MARCHF1: variants seen among roughly 807,000 people sequenced by gnomAD.
The protein encoded by MARCHF1 is membrane associated ring-CH-type finger 1.
MARCHF1 carries 40 observed loss-of-function variants against 54.2 expected under a neutral mutation model. The ratio of observed to expected loss-of-function variants is 0.74; its 90% CI spans 0.57 to 0.96. The LOEUF (loss-of-function observed/expected upper bound fraction) is 0.96, where lower values mean the gene tolerates loss of function less well. MARCHF1 is among the 40% of genes least tolerant of loss of function. MARCHF1 has a pLI of 0.00. For missense variants in MARCHF1, 586 were observed against 656.5 expected (o/e 0.89, Z 1.17); for synonymous variants, 236 against 236.3 (o/e 1.00, Z 0.01).
At chr4:163,896,034 A>G (rs1162158357) in intron 3 of MARCHF1, among the ~76,000 whole-genome samples, 1 of 152,220 alleles carries the variant, frequency 6.6e-6, no homozygotes, top group Non-Finnish European at 1.5e-5. Flanking sequence ...TAAAATAAAA[A>G]TGATATTCTA....
intron 2 of MARCHF1, among the ~76,000 whole-genome samples, chr4:164,037,704 C>T (rs189169872): frequency 2.7e-4 from 41 of 152,230 alleles, no homozygotes; most frequent in Admixed American, 2.4e-3. Context: ...GGATACTTTA[C>T]GTTGGAGAAG....
rs189830735 is a variant in MARCHF1 at position 163,596,454 on chromosome 4, C to T, written c.1011-10525G>A. On this transcript the variant is annotated intron_variant, in intron 7 of 9. Coordinates refer to ENST00000514618, the MANE Select transcript of MARCHF1 (RefSeq NM_001394959.1). ...GTTTGGGAAGCTGAGGCGGGAGAAT[C>T]GCTTGAACTCGGGAGGCAGAGGTTA... 1.2e-4 allele frequency among the ~76,000 whole-genome samples: 18 copies of T among 146,716 alleles called. No individual in the cohort carries two copies. In the East Asian group the frequency reaches 2.2e-3, roughly 18 times the overall value.
At chr4:163,803,796 T>C (rs1322860077) in intron 4 of MARCHF1, among the ~76,000 whole-genome samples, 1 of 152,138 alleles carries the variant, frequency 6.6e-6, no homozygotes, top group Non-Finnish European at 1.5e-5. Context: ...AAGAGTATAC[T>C]TTGGCAAAAT....
At chr4:163,808,195 T>C (rs1748278929) in intron 4 of MARCHF1, among the ~76,000 whole-genome samples, 1 of 152,204 alleles carries the variant, frequency 6.6e-6, no homozygotes, top group South Asian at 2.1e-4. Flanking sequence ...AACCCAATAA[T>C]AACTTCTGCT....
chr4:164,219,718 G>A lies in MARCHF1; in HGVS notation c.-322-108056C>T, dbSNP rs144119515. Among the ~76,000 whole-genome samples, 248 of 151,902 alleles carry A rather than the reference G, an allele frequency of 1.6e-3. 1 individual carries two copies. Among genetic ancestry groups the A allele is most frequent in the African/African-American group, 5.3e-3 (221 of 41,478 alleles). On this transcript the variant is annotated intron_variant, in intron 1 of 9. Transcript: ENST00000514618. Reference sequence around the variant, plus strand: ...GTCCATTCCTCTATACATTTCTAAAGTTATTAAAAGTCCAATGACTCGGAT... The same window carrying A: ...GTCCATTCCTCTATACATTTCTAAAATTATTAAAAGTCCAATGACTCGGAT...
At chr4:163,618,303 T>G (rs1560977338) in intron 5 of MARCHF1, among the ~76,000 whole-genome samples, 1 of 152,126 alleles carries the variant, frequency 6.6e-6, no homozygotes, top group African/African-American at 2.4e-5. Context: ...TTGTTCCATG[T>G]GCTTTTGCTT....
At chr4:163,709,071 C>A (rs368432144) in intron 4 of MARCHF1, among the ~76,000 whole-genome samples, 1 of 152,078 alleles carries the variant, frequency 6.6e-6, no homozygotes. Flanking sequence ...AATTCCATTT[C>A]TTTAAAAACA....
At chr4:164,301,393 T>C (rs1734557706) in intron 1 of MARCHF1, among the ~76,000 whole-genome samples, 1 of 152,350 alleles carries the variant, frequency 6.6e-6, no homozygotes, top group Middle Eastern at 3.4e-3. Flanking sequence ...GCCATCAGTT[T>C]ACACAAGGAA....
At chr4:163,579,774 C>A (rs534099799) in intron 8 of MARCHF1, among the ~76,000 whole-genome samples, 14 of 152,238 alleles carry the variant, frequency 9.2e-5, no homozygotes, top group Non-Finnish European at 1.9e-4. Flanking sequence ...ATTTTCATTG[C>A]TTTCAGTCTT....
rs948078589 is a variant in MARCHF1, at chr4:164,054,330, C to A, written c.-248+57258G>T. Among the ~76,000 whole-genome samples the A allele has an allele frequency of 2.2e-3, 337 of 151,940 alleles. 1 individual carries two copies. Among genetic ancestry groups the A allele is most frequent in the African/African-American group, 7.6e-3 (317 of 41,478 alleles). ...GAACACTTTGACACTGTTGGTGGGA[C>A]TGTAAACTAGTTCAACCATTGTGCA... On this transcript the variant is annotated intron_variant, in intron 2 of 9. Transcript: ENST00000514618.
chr4:164,244,979 CAA>C (rs1415275548), intron 1 of MARCHF1, among the ~76,000 whole-genome samples: 1 of 152,078 alleles, frequency 6.6e-6, no homozygotes, highest in African/African-American at 2.4e-5. Flanking sequence ...GCTTACCAGC[CAA>C]AAAGAGTCCA....
intron 4 of MARCHF1, among the ~76,000 whole-genome samples, chr4:163,835,084 T>G (rs1159461743): frequency 6.6e-6 from 1 of 152,124 alleles, no homozygotes; most frequent in Non-Finnish European, 1.5e-5. Context: ...AGTCTTGCTG[T>G]GTTGTCCAGG....
chr4:163,981,801 A>G (rs1752768687), intron 3 of MARCHF1, among the ~76,000 whole-genome samples: 1 of 152,256 alleles, frequency 6.6e-6, no homozygotes, highest in African/African-American at 2.4e-5. Flanking sequence ...CAATGCTCCA[A>G]GACTCTTCCA....
chr4:163,800,259 A>G (rs919418814), intron 4 of MARCHF1, among the ~76,000 whole-genome samples: 1 of 152,048 alleles, frequency 6.6e-6, no homozygotes, highest in Non-Finnish European at 1.5e-5. Flanking sequence ...GTACTCCTTG[A>G]GTCTAAAATA....
intron 4 of MARCHF1, among the ~76,000 whole-genome samples, chr4:163,740,964 A>C (rs1431895939): frequency 6.6e-6 from 1 of 152,180 alleles, no homozygotes; most frequent in African/African-American, 2.4e-5. Flanking sequence ...TCTTCCACTT[A>C]CACTCTTCAG....
At chr4:163,755,884 G>A (rs755417346) in intron 4 of MARCHF1, among the ~76,000 whole-genome samples, 10 of 152,128 alleles carry the variant, frequency 6.6e-5, no homozygotes, top group Non-Finnish European at 5.9e-5. Context: ...GGAAGTAAGC[G>A]ATATTACCAA....
At chr4:164,043,678 C>T (rs1560876562) in intron 2 of MARCHF1, among the ~76,000 whole-genome samples, 1 of 152,142 alleles carries the variant, frequency 6.6e-6, no homozygotes, top group Non-Finnish European at 1.5e-5. Flanking sequence ...TGAATTTCTC[C>T]CCAGAAAAAG....
At chr4:163,543,784 G>T (rs531016465) in intron 9 of MARCHF1, among the ~76,000 whole-genome samples, 60 of 152,230 alleles carry the variant, frequency 3.9e-4, no homozygotes, top group South Asian at 1.0e-3. Flanking sequence ...GTCTATGAGG[G>T]TCTATGTATA....
intron 3 of MARCHF1, among the ~76,000 whole-genome samples, chr4:163,925,362 A>C (rs1051167800): frequency 3.3e-5 from 5 of 151,790 alleles, no homozygotes; most frequent in South Asian, 2.1e-4. Flanking sequence ...CAGACATCCC[A>C]ACTCAATACC....
Sources: allele counts gnomAD v4.1 joint callset (sites outside exome capture counted in the v4.1 genomes callset), GRCh38; gene constraint gnomAD v4.1.1; transcripts MANE v1.5; gene names NCBI Gene and HGNC (gene_info 2026-07-23, HGNC 2026-07-21).